AK1: variants seen among roughly 807,000 people sequenced by gnomAD.
AK1 encodes adenylate kinase isoenzyme 1.
Under a neutral mutation model 23.9 loss-of-function variants are expected in AK1, and 13 were observed. The observed-to-expected ratio is 0.54, with a 90% CI of 0.35 to 0.86. The LOEUF (loss-of-function observed/expected upper bound fraction) is 0.86. Among genes scored for constraint, AK1 ranks in the 40% least tolerant of loss-of-function variants. The pLI, the probability that AK1 is intolerant of heterozygous loss-of-function variation, is 0.01. For synonymous variants in AK1, 97 were observed against 102.8 expected (o/e 0.94, Z 0.34); for missense variants, 214 against 255.1 (o/e 0.84, Z 1.10).
intron 3 of AK1, 84 bp from the exon 4 acceptor site, chr9:127,872,937 G>C (rs1028146658): frequency 6.2e-7 from 1 of 1,612,944 alleles, no homozygotes; most frequent in Non-Finnish European, 8.5e-7. Flanking sequence ...AGAGAGGGAG[G>C]GGCAGAGCCC....
At chr9:127,872,019 G>T in intron 4 of AK1, 80 bp from the exon 5 acceptor site, 2 of 1,245,484 alleles carry the variant, frequency 1.6e-6, no homozygotes, top group Non-Finnish European at 1.2e-6. Flanking sequence ...CGCTGCTCCT[G>T]CCACCTGAAA....
rs750048810 is a variant in AK1, at chr9:127,868,311, C to T, written c.516+10G>A. 26 of 1,567,682 alleles carry T rather than the reference C, an allele frequency of 1.7e-5. No individual in the cohort carries two copies. The highest frequency in any genetic ancestry group is 2.0e-4 in the Middle Eastern group (1 of 4,882). ...CTTCCCGGAGCTGCCCCTGGGCCCG[C>T]GGGGCCCACCTTGCGCACAATGCCA... On this transcript the variant is annotated intron_variant, in intron 6 of 6. Transcript: ENST00000644144. This position sits in a 1 kb window ranked among gnomAD's most constrained non-coding sequence, Gnocchi z 4.1.
rs1829416011 is a variant in AK1 at position 127,871,779 on chromosome 9, C to A, written c.324+44G>T. 1 of 1,560,234 alleles carries A rather than the reference C, an allele frequency of 6.4e-7. No homozygotes were observed. Among genetic ancestry groups the A allele is most frequent in the African/African-American group, 1.4e-5 (1 of 73,786 alleles). ...CCGCCCATGGGGATGGGAGTCTTAT[C>A]CTGCCCCAGCCCACCAGGATCCCCA... On this transcript the variant is annotated intron_variant, in intron 5 of 6. Coordinates refer to ENST00000644144, the MANE Select transcript of AK1 (RefSeq NM_000476.3). This position sits in a 1 kb window ranked among gnomAD's most constrained non-coding sequence, Gnocchi z 4.4.
chr9:127,867,934 G>T lies in AK1; in HGVS notation c.*74C>A, dbSNP rs1046139189. On this transcript the variant is annotated 3_prime_UTR_variant, in exon 7 of 7. Transcript: ENST00000644144. ...CAGCAGGGCAGGGTGGAGGCGCTGCGCTCAGGCCAGGAGGACCTCGAATCA... is the reference window on the plus strand; with the variant it reads ...CAGCAGGGCAGGGTGGAGGCGCTGCTCTCAGGCCAGGAGGACCTCGAATCA... The T allele has an allele frequency of 1.4e-6, 2 of 1,475,386 alleles. No homozygotes were observed. The highest frequency in any genetic ancestry group is 1.1e-5 in the South Asian group (1 of 88,146). 91.4% of individuals were successfully genotyped at this position (1,475,386 alleles called of 1,614,324 possible).
At position 127,871,778 on chromosome 9, in the gene AK1, T is replaced by C. The variant is rs375122190; in HGVS notation, c.324+45A>G. On this transcript the variant is annotated intron_variant, in intron 5 of 6. Coordinates refer to ENST00000644144, the MANE Select transcript of AK1 (RefSeq NM_000476.3). The surrounding 1 kb of genome is among the most constrained non-coding windows in gnomAD (Gnocchi z 4.4). ...CCCGCCCATGGGGATGGGAGTCTTA[T>C]CCTGCCCCAGCCCACCAGGATCCCC... The C allele has an allele frequency of 6.4e-7, 1 of 1,556,990 alleles. No individual in the cohort carries two copies. Among genetic ancestry groups the C allele is most frequent in the Admixed American group, 1.7e-5 (1 of 59,952 alleles).
chr9:127,872,158 C>T (rs973424283), intron 4 of AK1, among the ~76,000 whole-genome samples: 1 of 152,196 alleles, frequency 6.6e-6, no homozygotes, highest in East Asian at 1.9e-4. Flanking sequence ...TTCACTGAGA[C>T]CCTCCTTCCA....
Position 127,868,544 on chromosome 9 carries a change from A to G in AK1, c.325-32T>C. ...GCGGGCACCATGTCACAGGGACCCC[A>G]TTCCTGCCCCCTAGGGCCATCTCCT... On this transcript the variant is annotated intron_variant, in intron 5 of 6. Coordinates refer to ENST00000644144, the MANE Select transcript of AK1 (RefSeq NM_000476.3). The surrounding 1 kb of genome is among the most constrained non-coding windows in gnomAD (Gnocchi z 4.1). 1 of 1,556,084 alleles carries G rather than the reference A, an allele frequency of 6.4e-7. No individual in the cohort carries two copies. The highest frequency in any genetic ancestry group is 8.7e-7 in the Non-Finnish European group (1 of 1,150,352).
Position 127,877,169 on chromosome 9 carries a change from G to C in AK1, c.-33+454C>G, listed in dbSNP as rs978802414. On this transcript the variant is annotated intron_variant, in intron 1 of 6. Coordinates refer to ENST00000644144, the MANE Select transcript of AK1 (RefSeq NM_000476.3). This position sits in a 1 kb window ranked among gnomAD's most constrained non-coding sequence, Gnocchi z 5.2. ...GCTAGGGCAAGCTCTGAGCATCCAG[G>C]GGGTGTTCTCCAATGCACCCAGCAC... Among the ~76,000 whole-genome samples, 1 of 152,114 alleles carries C rather than the reference G, an allele frequency of 6.6e-6. No individual in the cohort carries two copies. The highest frequency in any genetic ancestry group is 2.4e-5 in the African/African-American group (1 of 41,420).
At chr9:127,872,486 T>C (rs1441765131) in intron 4 of AK1, among the ~76,000 whole-genome samples, 1 of 150,014 alleles carries the variant, frequency 6.7e-6, no homozygotes, top group Non-Finnish European at 1.5e-5. Context: ...AGGGAGAGAG[T>C]TGGGGGCAGG....
chr9:127,868,995 A>G lies in AK1; in HGVS notation c.325-483T>C, dbSNP rs1829320555. On this transcript the variant is annotated intron_variant, in intron 5 of 6. Transcript: ENST00000644144. The surrounding 1 kb of genome is among the most constrained non-coding windows in gnomAD (Gnocchi z 4.1). ...CTTCCAGCGCCTTTATCTTTCCTTA[A>G]GCAGGTCTCCCAAGGGCCCCTGAGG... Among the ~76,000 whole-genome samples the G allele has an allele frequency of 6.6e-6, 1 of 152,104 alleles. No homozygotes were observed. Among genetic ancestry groups the G allele is most frequent in the Non-Finnish European group, 1.5e-5 (1 of 68,010 alleles).
rs759365000 is a variant in AK1, at chr9:127,868,433, G to A, written c.404C>T (p.Thr135Ile). 1.2e-6 allele frequency: 2 copies of A among 1,611,258 alleles called. No individual in the cohort carries two copies. Among genetic ancestry groups the A allele is most frequent in the South Asian group, 2.2e-5 (2 of 90,248 alleles). ...CTCATTGTCGTCCACACGCCCGCTG[G>A]TCTCTCCACGTTTCAAGAGCCGCTG... ...MTQRLLKRGETSGRVDDNEET... is the reference protein window; with the variant it reads ...MTQRLLKRGEISGRVDDNEET... The change falls in exon 6 of 7, where the codon ACC (threonine) becomes ATC (isoleucine). Residue 135 changes from threonine (T) to isoleucine (I), a missense_variant. By Grantham distance (89) the Thr-to-Ile change is moderately conservative. Coordinates refer to ENST00000644144, the MANE Select transcript of AK1 (RefSeq NM_000476.3). This position sits in a 1 kb window ranked among gnomAD's most constrained non-coding sequence, Gnocchi z 4.1.
chr9:127,873,096 C>G, intron 2 of AK1, 35 bp from the exon 3 acceptor site: 2 of 1,606,490 alleles, frequency 1.2e-6, no homozygotes, highest in Non-Finnish European at 1.7e-6. Flanking sequence ...GGCTCAGTCA[C>G]TCGCTGGACC....
intron 5 of AK1, among the ~76,000 whole-genome samples, chr9:127,870,219 T>TTTTTTA (rs1829358940): frequency 6.6e-6 from 1 of 150,494 alleles, no homozygotes. Context: ...TTTTTTTTTT[T>TTTTTTA]GAGACGGAGT....
At position 127,874,059 on chromosome 9, in the gene AK1, C is replaced by G. The variant is rs530009468; in HGVS notation, c.7+552G>C. The stretch of plus-strand genomic sequence containing the variant: ...TCAGGCAGAGCAGCAGCAGCAGCAG[C>G]AGCAGGCCCGCTGGGTGTCTTTAAG... On this transcript the variant is annotated intron_variant, in intron 2 of 6. Transcript: ENST00000644144. The G allele has an allele frequency of 3.1e-3, 3,025 of 985,462 alleles. 5 individuals carry two copies. The highest frequency in any genetic ancestry group is 3.5e-3 in the Non-Finnish European group (2,877 of 829,922). 61.0% of individuals were successfully genotyped at this position (985,462 alleles called of 1,614,324 possible). A position where few individuals can be genotyped will look rare whatever the true frequency, so the allele number is the denominator to read the frequency against.
In AK1 at chr9:127,871,841, T is replaced by A; in HGVS notation, c.306A>T (p.Gly102=). ...IDGYPREVQQ[G]EEFERRIGQP... is the part of the protein sequence containing the mutation. The stretch of plus-strand genomic sequence containing the variant: ...GCCTTACCCGTCGCTCAAACTCTTC[T>A]CCTTGCTGCACCTCCCGCGGGTAGC... The change falls in exon 5 of 7, where the codon GGA becomes GGT. Residue 102 remains glycine (G), a synonymous_variant. Coordinates refer to ENST00000644144, the MANE Select transcript of AK1 (RefSeq NM_000476.3). This position sits in a 1 kb window ranked among gnomAD's most constrained non-coding sequence, Gnocchi z 4.4. 1 of 1,614,070 alleles carries A rather than the reference T, an allele frequency of 6.2e-7. No homozygotes were observed. Among genetic ancestry groups the A allele is most frequent in the Non-Finnish European group, 8.5e-7 (1 of 1,180,014 alleles).
rs375038149 is a variant in AK1, at chr9:127,872,901, A to T, written c.44-48T>A. ...AAACCCCGAGACACAGGGTCCCAGG[A>T]GGAACAGGGGCTGCCAGGGTCTCCC... On this transcript the variant is annotated intron_variant, in intron 3 of 6. Transcript: ENST00000644144. 2.5e-6 allele frequency: 4 copies of T among 1,613,412 alleles called. No homozygotes were observed. The African/African-American group carries it at 4.0e-5, about 16-fold the overall frequency.
intron 2 of AK1, 81 bp downstream of exon 2, chr9:127,874,530 A>T: frequency 6.2e-7 from 1 of 1,611,056 alleles, no homozygotes; most frequent in Non-Finnish European, 8.5e-7. Context: ...CCCTCCCAGA[A>T]TGTCTCCCTG....
chr9:127,874,359 A>C, intron 2 of AK1: 2 of 985,184 alleles, frequency 2.0e-6, no homozygotes, highest in African/African-American at 1.7e-5. Context: ...AGCTCTATAA[A>C]CCCAGCATAG....
chr9:127,871,922 C>T lies in AK1; in HGVS notation c.225G>A (p.Met75Ile). Residue 75 changes from methionine (M) to isoleucine (I), a missense_variant, in exon 5 of 7, where the codon ATG (methionine) becomes ATA (isoleucine). Coordinates refer to ENST00000644144, the MANE Select transcript of AK1 (RefSeq NM_000476.3). The surrounding 1 kb of genome is among the most constrained non-coding windows in gnomAD (Gnocchi z 4.4). ...QLVPLETVLD[M>I]LRDAMVAKVN... The stretch of plus-strand genomic sequence containing the variant: ...CTTTGGCCACCATGGCATCCCGGAG[C>T]ATGTCCAACACTGTCTCCTGGGGCA... The T allele has an allele frequency of 6.2e-7, 1 of 1,614,070 alleles. No homozygotes were observed. The highest frequency in any genetic ancestry group is 1.7e-5 in the Admixed American group (1 of 60,018).
Sources: allele counts gnomAD v4.1 joint callset (sites outside exome capture counted in the v4.1 genomes callset), GRCh38; gene constraint gnomAD v4.1.1; non-coding constraint Gnocchi (gnomAD v3.1); transcripts MANE v1.5; gene names NCBI Gene and HGNC (gene_info 2026-07-23, HGNC 2026-07-21).